Variants in SDK1 observed in about 807,000 individuals in gnomAD.
SDK1 encodes protein sidekick-1.
In SDK1, 157 loss-of-function variants were observed where a neutral mutation model predicts 245.5. The ratio of observed to expected loss-of-function variants is 0.64; its 90% confidence interval spans 0.56 to 0.73. The LOEUF is 0.73. SDK1 is among the 30% of genes least tolerant of loss of function. SDK1 has a pLI of 0.00. For missense variants in SDK1, 3,583 were observed against 3,002.3 expected, an observed-to-expected ratio of 1.19 and a Z score of -4.52; for synonymous variants, 1,647 against 1,278.5, an observed-to-expected ratio of 1.29 and a Z score of -6.15.
At chr7:3,746,305 G>A (rs1405022578) in intron 4 of SDK1, among the ~76,000 whole-genome samples, 1 of 152,156 alleles carries the variant, frequency 6.6e-6, no homozygotes, top group Non-Finnish European at 1.5e-5. Context: ...AAGTCTTTTT[G>A]ATGGTACAGG....
intron 4 of SDK1, among the ~76,000 whole-genome samples, chr7:3,809,571 A>G (rs1779334311): frequency 6.6e-6 from 1 of 152,224 alleles, no homozygotes; most frequent in African/African-American, 2.4e-5. Context: ...TCCTTCAAAG[A>G]GGAACAAATG....
chr7:3,892,432 C>G (rs1483317304), intron 5 of SDK1, among the ~76,000 whole-genome samples: 1 of 152,176 alleles, frequency 6.6e-6, no homozygotes, highest in East Asian at 1.9e-4. Flanking sequence ...GCGGGAACCC[C>G]CAGGATCTCA....
chr7:3,334,444 A>G lies in SDK1; in HGVS notation c.298+32560A>G, dbSNP rs547422404. 2.6e-5 allele frequency among the ~76,000 whole-genome samples: 4 copies of G among 152,062 alleles called. No homozygotes were observed. In the East Asian group the frequency reaches 7.8e-4, roughly 30 times the overall value. On this transcript the variant is annotated intron_variant, in intron 1 of 44. Transcript: ENST00000404826. ...TCCCTGCCGTCCCTTTCAAATGACC[A>G]CAGGTAGCTGTCATAGCCCCGTAGA...
chr7:3,337,831 T>G (rs552233434), intron 1 of SDK1: 1 of 152,192 alleles, frequency 6.6e-6, no homozygotes, highest in Non-Finnish European at 1.5e-5. Context: ...AGGAAAACTT[T>G]CTTGCATGAA....
At chr7:4,184,589 T>A (rs1434331294) in intron 35 of SDK1, among the ~76,000 whole-genome samples, 1 of 152,220 alleles carries the variant, frequency 6.6e-6, no homozygotes. Context: ...GAATAGATGA[T>A]CTCTGGGTCC....
intron 1 of SDK1, among the ~76,000 whole-genome samples, chr7:3,494,009 T>G (rs192743229): frequency 5.2e-4 from 79 of 152,342 alleles, no homozygotes; most frequent in African/African-American, 1.8e-3. Flanking sequence ...TGAAACAGTT[T>G]ATTCTGTATT....
intron 37 of SDK1, among the ~76,000 whole-genome samples, chr7:4,208,748 C>T (rs1389713730): frequency 6.6e-6 from 1 of 152,230 alleles, no homozygotes; most frequent in Admixed American, 6.5e-5. Flanking sequence ...CCACAGACCA[C>T]CCCTGGAGAC....
At position 4,265,378 on chromosome 7, in the gene SDK1, CGT is replaced by C; in HGVS notation, c.6640_6641del (p.Ter2214SerfsTer40). 1 of 1,436,274 alleles carries C rather than the reference CGT, an allele frequency of 7.0e-7. No individual in the cohort carries two copies. The highest frequency in any genetic ancestry group is 9.0e-7 in the Non-Finnish European group (1 of 1,106,906). 89.0% of individuals were successfully genotyped at this position (1,436,274 alleles called of 1,614,324 possible). A position where few individuals can be genotyped will look rare whatever the true frequency, so the allele number is the denominator to read the frequency against. ...CTCCGCTCACCGGCTTCTCCTCCTT[CGT>C]GTGAGCAAAGCGCCGCGCCTCCCTC... ...RTPLTGFSSFV is the reference protein window; with the variant it reads ...RTPLTGFSSFX On this transcript the variant is annotated frameshift_variant, in exon 45 of 45. Coordinates refer to ENST00000404826, the MANE Select transcript of SDK1 (RefSeq NM_152744.4). LOFTEE classifies it high-confidence loss of function.
intron 17 of SDK1, among the ~76,000 whole-genome samples, chr7:4,023,269 C>A (rs1471146905): frequency 6.6e-6 from 1 of 152,126 alleles, no homozygotes; most frequent in Non-Finnish European, 1.5e-5. Flanking sequence ...GTCGGCCAAT[C>A]CCATTTAATA....
At chr7:4,130,367 G>C in intron 27 of SDK1, 1 of 473,592 alleles carries the variant, frequency 2.1e-6, no homozygotes. Flanking sequence ...GGCAGCAGAG[G>C]CTGGGGCGGG....
At chr7:3,458,998 T>A (rs574414830) in intron 1 of SDK1, among the ~76,000 whole-genome samples, 20 of 152,324 alleles carry the variant, frequency 1.3e-4, no homozygotes, top group African/African-American at 4.6e-4. Context: ...TGTAAACTTG[T>A]AGAATCAATT....
At chr7:4,157,474 G>GA (rs1554368249) in intron 30 of SDK1, among the ~76,000 whole-genome samples, 17 of 40,524 alleles carry the variant, frequency 4.2e-4, no homozygotes, top group Middle Eastern at 0.011. Context: ...GAGAAGGAAG[G>GA]AGGGAAGGAA....
chr7:3,532,431 C>G (rs1783379392), intron 1 of SDK1, among the ~76,000 whole-genome samples: 1 of 152,180 alleles, frequency 6.6e-6, no homozygotes, highest in South Asian at 2.1e-4. Context: ...TGGGAGGTCA[C>G]TGACTCCTGG....
At chr7:3,528,989 G>A (rs1783249292) in intron 1 of SDK1, among the ~76,000 whole-genome samples, 1 of 152,106 alleles carries the variant, frequency 6.6e-6, no homozygotes, top group Non-Finnish European at 1.5e-5. Flanking sequence ...AGCCAGGGAG[G>A]TAGCTAGCAT....
chr7:4,112,517 T>C (rs898285940), intron 23 of SDK1, among the ~76,000 whole-genome samples: 2 of 152,194 alleles, frequency 1.3e-5, no homozygotes, highest in African/African-American at 4.8e-5. Flanking sequence ...AAGGCTGGAC[T>C]TCAAAACTGC....
chr7:3,406,109 C>T (rs191648354), intron 1 of SDK1, among the ~76,000 whole-genome samples: 2 of 152,056 alleles, frequency 1.3e-5, no homozygotes, highest in East Asian at 1.9e-4. Flanking sequence ...CACCGCTCCT[C>T]GTCTGTTGTG....
At chr7:3,526,891 C>T (rs28709062) in intron 1 of SDK1, among the ~76,000 whole-genome samples, 39,551 of 151,974 alleles carry the variant, frequency 0.26, 5,321 homozygotes, top group East Asian at 0.33. Flanking sequence ...GTCATTTGGG[C>T]AGCTGAGAAA....
chr7:4,053,165 T>C (rs2128167512), intron 19 of SDK1, among the ~76,000 whole-genome samples: 1 of 152,018 alleles, frequency 6.6e-6, no homozygotes, highest in African/African-American at 2.4e-5. Flanking sequence ...CCCCCAGTGC[T>C]GGATGGGCTC....
At chr7:3,341,617 A>G (rs1272158600) in intron 1 of SDK1, among the ~76,000 whole-genome samples, 1 of 152,220 alleles carries the variant, frequency 6.6e-6, no homozygotes, top group African/African-American at 2.4e-5. Context: ...TGCTGCATAC[A>G]GGATCAACAC....
Sources: allele counts gnomAD v4.1 joint callset (sites outside exome capture counted in the v4.1 genomes callset), GRCh38; gene constraint gnomAD v4.1.1; transcripts MANE v1.5; gene names NCBI Gene and HGNC (gene_info 2026-07-23, HGNC 2026-07-21).